Variants in FOXP2 observed in about 807,000 individuals in gnomAD.
FOXP2 encodes forkhead box protein P2.
FOXP2 carries 12 observed loss-of-function variants against 115.8 expected under a neutral mutation model. The ratio of observed to expected loss-of-function variants is 0.10; its 90% CI spans 0.07 to 0.17. The LOEUF (loss-of-function observed/expected upper bound fraction) is 0.17, where lower values mean the gene tolerates loss of function less well. Among genes scored for constraint, FOXP2 ranks in the 10% least tolerant of loss-of-function variants. The pLI is 1.00. For synonymous variants in FOXP2, 328 were observed against 297.7 expected (o/e 1.10, Z -1.05); for missense variants, 629 against 843.5 (o/e 0.75, Z 3.15).
intron 3 of FOXP2, 116 bp from the exon 4 acceptor site, chr7:114,628,424 A>G (rs1024007396): frequency 5.7e-6 from 8 of 1,393,404 alleles, no homozygotes; most frequent in African/African-American, 5.7e-5. Context: ...TGACGTAAAA[A>G]TTATTGATCA....
chr7:114,249,368 C>T (rs1045297645), intron 1 of FOXP2, among the ~76,000 whole-genome samples: 1 of 152,092 alleles, frequency 6.6e-6, no homozygotes, highest in Non-Finnish European at 1.5e-5. Flanking sequence ...TCCTTCCCCC[C>T]CGTTCCCCCC....
rs148146938 is a variant in FOXP2, at chr7:114,368,228, T to A, written c.-10-58274T>A. ...ATTATACACATTGGTTAGTACTCCA[T>A]GGTATATAGAATTTGAAAACAAAAT... On this transcript the variant is annotated intron_variant, in intron 2 of 17. Coordinates refer to the FOXP2 transcript ENST00000634411. Among the ~76,000 whole-genome samples the A allele has an allele frequency of 2.7e-3, 416 of 152,274 alleles. 3 individuals are homozygous for A. Among genetic ancestry groups the A allele is most frequent in the African/African-American group, 9.7e-3 (402 of 41,566 alleles).
At chr7:114,409,189 C>A (rs1465659732) in intron 2 of FOXP2, among the ~76,000 whole-genome samples, 1 of 151,992 alleles carries the variant, frequency 6.6e-6, no homozygotes, top group Non-Finnish European at 1.5e-5. Context: ...GATCTAATAG[C>A]AATTAAATGA....
At chr7:114,119,381 T>C (rs1375785326) in intron 1 of FOXP2, among the ~76,000 whole-genome samples, 4 of 152,160 alleles carry the variant, frequency 2.6e-5, no homozygotes, top group African/African-American at 9.7e-5. Flanking sequence ...ATTTTGATTA[T>C]TAATTATAAA....
intron 2 of FOXP2, among the ~76,000 whole-genome samples, chr7:114,378,003 T>C (rs912479923): frequency 1.3e-5 from 2 of 152,174 alleles, no homozygotes; most frequent in African/African-American, 4.8e-5. Context: ...CTACAACTCA[T>C]CTTTCTCAGT....
intron 3 of FOXP2, among the ~76,000 whole-genome samples, chr7:114,598,208 AAGGAC>A (rs1296989211): frequency 6.6e-6 from 1 of 152,124 alleles, no homozygotes; most frequent in African/African-American, 2.4e-5. Context: ...TTTACATTCC[AAGGAC>A]AGGCAAACCA....
upstream of FOXP2, among the ~76,000 whole-genome samples, chr7:114,161,985 G>A (rs1471068827): frequency 6.6e-6 from 1 of 152,036 alleles, no homozygotes; most frequent in Non-Finnish European, 1.5e-5. Context: ...GTTTCACCAT[G>A]TTGGCCAGGA....
chr7:114,484,533 T>G (rs1176010468), intron 2 of FOXP2, among the ~76,000 whole-genome samples: 1 of 151,968 alleles, frequency 6.6e-6, no homozygotes, highest in Non-Finnish European at 1.5e-5. Flanking sequence ...TCGGTATGTA[T>G]GAGAATAAAA....
chr7:114,323,904 T>C (rs906969472), intron 2 of FOXP2, among the ~76,000 whole-genome samples: 22 of 152,122 alleles, frequency 1.4e-4, no homozygotes, highest in Non-Finnish European at 2.8e-4. Context: ...CTAGAAGTTC[T>C]GTGTTAGAGC....
chr7:114,653,258 T>C (rs1806379137), intron 9 of FOXP2: 1 of 154,574 alleles, frequency 6.5e-6, no homozygotes, highest in African/African-American at 2.4e-5. Context: ...GACTAAAACA[T>C]AAGAGTTCAG....
At chr7:114,476,899 A>C (rs1451029450) in intron 2 of FOXP2, among the ~76,000 whole-genome samples, 1 of 152,102 alleles carries the variant, frequency 6.6e-6, no homozygotes, top group Middle Eastern at 3.4e-3. Context: ...TAATATGCAA[A>C]AGTGCTCAGC....
intron 1 of FOXP2, among the ~76,000 whole-genome samples, chr7:114,203,937 A>G (rs961313975): frequency 6.6e-6 from 1 of 152,150 alleles, no homozygotes; most frequent in African/African-American, 2.4e-5. Flanking sequence ...TATACTTCTT[A>G]CTGAGTCTAT....
At chr7:114,514,672 T>A (rs890329109) in intron 2 of FOXP2, among the ~76,000 whole-genome samples, 3 of 151,702 alleles carry the variant, frequency 2.0e-5, no homozygotes, top group Non-Finnish European at 4.4e-5. Context: ...TATTTCTTTT[T>A]TACATTCAAT....
chr7:114,225,337 G>T (rs1390622785), intron 1 of FOXP2, among the ~76,000 whole-genome samples: 6 of 150,946 alleles, frequency 4.0e-5, no homozygotes, highest in African/African-American at 1.5e-4. Flanking sequence ...CCTTTTTTGA[G>T]TTAGGGAATA....
intron 2 of FOXP2, among the ~76,000 whole-genome samples, chr7:114,458,712 T>C (rs1795431628): frequency 6.6e-6 from 1 of 152,006 alleles, no homozygotes; most frequent in African/African-American, 2.4e-5. Context: ...TTCTTGACTT[T>C]TGCATTTTCA....
At chr7:114,608,863 A>C (rs75195507) in intron 3 of FOXP2, among the ~76,000 whole-genome samples, 3 of 152,136 alleles carry the variant, frequency 2.0e-5, no homozygotes, top group Non-Finnish European at 4.4e-5. Context: ...AAAATTCACT[A>C]CCAGATGCAG....
chr7:114,159,739 G>T (rs1792779750), upstream of FOXP2, among the ~76,000 whole-genome samples: 1 of 152,080 alleles, frequency 6.6e-6, no homozygotes, highest in East Asian at 1.9e-4. Flanking sequence ...GGAGCCAAAG[G>T]GGCAAGTTAC....
rs780869585 is a variant in FOXP2 at position 114,631,678 on chromosome 7, G to A, written c.748G>A (p.Ala250Thr). 6.2e-7 allele frequency: 1 copy of A among 1,614,078 alleles called. No individual in the cohort carries two copies. The highest frequency in any genetic ancestry group is 1.7e-5 in the Admixed American group (1 of 59,994). ...GLISIPPGQA[A>T]LPVQSLPQAG... is the part of the protein sequence containing the mutation. ...CATCTCCATTCCACCTGGCCAGGCA[G>A]CACTTCCTGTCCAATCGCTGCCTCA... is the stretch of plus-strand genomic sequence containing the variant. Residue 250 changes from alanine (A) to threonine (T), a missense_variant, in exon 6 of 17, where the codon GCA becomes ACA. Physicochemically the swap from Ala to Thr is moderately conservative, Grantham distance 58 (BLOSUM62 0). Around this residue, in one of 9 missense-constraint regions of FOXP2, gnomAD observed 138 missense variants for 205.1 expected, o/e 0.67. Transcript: ENST00000350908.
chr7:114,246,584 A>C (rs569956771), intron 1 of FOXP2, among the ~76,000 whole-genome samples: 1 of 152,336 alleles, frequency 6.6e-6, no homozygotes, highest in Non-Finnish European at 1.5e-5. Flanking sequence ...GTAAACTGAT[A>C]TTCAAATAAG....
Sources: gnomAD v4.1 joint callset for allele counts (sites outside exome capture counted in the v4.1 genomes callset) on GRCh38, gnomAD v4.1.1 for gene constraint, gnomAD v4.1.1 regional missense constraint, MANE v1.5 for transcripts, NCBI Gene and HGNC (gene_info 2026-07-23, HGNC 2026-07-21) for gene names.